Variants in NFIB observed in about 807,000 individuals in gnomAD.
The protein encoded by NFIB is nuclear factor I B.
Under a neutral mutation model 61.5 loss-of-function variants are expected in NFIB, and 11 were observed. The ratio of observed to expected loss-of-function variants is 0.18; its 90% confidence interval spans 0.11 to 0.30. The LOEUF (loss-of-function observed/expected upper bound fraction) is 0.30, where lower values mean the gene tolerates loss of function less well. Ranked by LOEUF, NFIB falls within the 10% of genes least tolerant of loss-of-function variation. The probability of loss-of-function intolerance (pLI) is 1.00; values close to 1 mark genes in which losing one functional copy is unlikely to be tolerated. For synonymous variants in NFIB, 260 were observed against 216.5 expected (o/e 1.20, Z -1.76); for missense variants, 471 against 608.9 (o/e 0.77, Z 2.38).
intron 10 of NFIB, among the ~76,000 whole-genome samples, chr9:14,103,225 T>C (rs1197596918): frequency 1.3e-5 from 2 of 152,108 alleles, no homozygotes; most frequent in East Asian, 1.9e-4. Flanking sequence ...CCTTCAGAGA[T>C]TGTTCGAGTA....
At position 14,120,651 on chromosome 9, in the gene NFIB, G is replaced by C; in HGVS notation, c.1061-27C>G. 1 of 1,566,532 alleles carries C rather than the reference G, an allele frequency of 6.4e-7. No individual in the cohort carries two copies. The highest frequency in any genetic ancestry group is 8.6e-7 in the Non-Finnish European group (1 of 1,158,560). The stretch of plus-strand genomic sequence containing the variant: ...TGCAGAAGACAGAAAAGGAAAGATT[G>C]ACTCATCAGCTGGTTACCTTATTGC... On this transcript the variant is annotated intron_variant, in intron 7 of 10. Transcript: ENST00000380953. This position sits in a 1 kb window ranked among gnomAD's most constrained non-coding sequence, Gnocchi z 4.4.
At chr9:14,334,232 A>AACTTATAAC (rs2060857290) in intron 1 of NFIB, among the ~76,000 whole-genome samples, 1 of 152,214 alleles carries the variant, frequency 6.6e-6, no homozygotes, top group African/African-American at 2.4e-5. Flanking sequence ...GTATAAGCCT[A>AACTTATAAC]TGAGTAGAAT....
intron 2 of NFIB, among the ~76,000 whole-genome samples, chr9:14,266,292 T>C (rs2057194892): frequency 6.6e-6 from 1 of 152,208 alleles, no homozygotes. Context: ...CTATGGCTTA[T>C]TTAAAATCCA....
At chr9:14,387,643 G>C (rs987056962) in intron 1 of NFIB, among the ~76,000 whole-genome samples, 1 of 152,154 alleles carries the variant, frequency 6.6e-6, no homozygotes, top group Admixed American at 6.5e-5. Flanking sequence ...TGCAAATTAA[G>C]ACAAGATATC....
chr9:14,275,276 G>A (rs925745067), intron 2 of NFIB, among the ~76,000 whole-genome samples: 1 of 152,126 alleles, frequency 6.6e-6, no homozygotes, highest in Admixed American at 6.6e-5. Flanking sequence ...GTAACTTAGA[G>A]TTCAATATCT....
At chr9:14,504,043 C>T in the NFIB span, among the ~76,000 whole-genome samples, 1 of 152,086 alleles carries the variant, frequency 6.6e-6, no homozygotes, top group Non-Finnish European at 1.5e-5. Context: ...TGTGGTTTGC[C>T]AATTATCCCA....
At chr9:14,286,027 C>T (rs1305865479) in intron 2 of NFIB, among the ~76,000 whole-genome samples, 2 of 152,154 alleles carry the variant, frequency 1.3e-5, no homozygotes, top group Non-Finnish European at 2.9e-5. Flanking sequence ...TAGCAAGTTC[C>T]AACGCCATGC....
chr9:14,166,515 G>A (rs1283277331), intron 3 of NFIB, among the ~76,000 whole-genome samples: 4 of 152,072 alleles, frequency 2.6e-5, no homozygotes, highest in Admixed American at 1.3e-4. Flanking sequence ...CTTCATCCAC[G>A]AAATGTAAAA....
At chr9:14,270,604 A>T (rs2057526980) in intron 2 of NFIB, among the ~76,000 whole-genome samples, 1 of 145,418 alleles carries the variant, frequency 6.9e-6, no homozygotes, top group Non-Finnish European at 1.5e-5. Context: ...AAAAAAAAAA[A>T]AAAGGCAGAG....
At chr9:14,464,417 C>G in the NFIB span, among the ~76,000 whole-genome samples, 3 of 152,152 alleles carry the variant, frequency 2.0e-5, no homozygotes, top group South Asian at 6.2e-4. Flanking sequence ...TTCATCCAAA[C>G]CTAGACGGTG....
At chr9:14,102,291 AAAG>A (rs1350956285) in intron 10 of NFIB, 7 of 711,272 alleles carry the variant, frequency 9.8e-6, no homozygotes, top group Admixed American at 2.7e-5. Flanking sequence ...GAGGACAGGG[AAAG>A]AAGAATGGCA....
chr9:14,263,746 C>G (rs1467289248), intron 2 of NFIB, among the ~76,000 whole-genome samples: 1 of 152,144 alleles, frequency 6.6e-6, no homozygotes, highest in African/African-American at 2.4e-5. Context: ...TTAGGGATAG[C>G]AAAACGAAAA....
chr9:14,188,346 G>A (rs1161047589), intron 2 of NFIB, among the ~76,000 whole-genome samples: 2 of 152,000 alleles, frequency 1.3e-5, no homozygotes, highest in African/African-American at 4.8e-5. Flanking sequence ...AAAGCAATCT[G>A]GCATACTTAA....
At chr9:14,239,078 G>A (rs1279468959) in intron 2 of NFIB, among the ~76,000 whole-genome samples, 3 of 152,096 alleles carry the variant, frequency 2.0e-5, no homozygotes, top group Non-Finnish European at 4.4e-5. Context: ...AAGAGCAGTC[G>A]GTAATATGCC....
rs753139070 is a variant in NFIB, at chr9:14,082,258, G to A, written c.*6051C>T. 5 of 204,726 alleles carry A rather than the reference G, an allele frequency of 2.4e-5. No individual in the cohort carries two copies. The highest frequency in any genetic ancestry group is 5.0e-5 in the Non-Finnish European group (5 of 99,662). 12.7% of individuals were successfully genotyped at this position (204,726 alleles called of 1,614,324 possible). A position where few individuals can be genotyped will look rare whatever the true frequency, so the allele number is the denominator to read the frequency against. ...ACAAGGTTCTGTATTTATGGCCCAT[G>A]AGGACAAAATGCCAAAAGTTTTAAA... On this transcript the variant is annotated 3_prime_UTR_variant, in exon 11 of 11. Coordinates refer to ENST00000380953, the MANE Select transcript of NFIB (RefSeq NM_001190737.2).
chr9:14,185,955 T>C (rs927689465), intron 2 of NFIB, among the ~76,000 whole-genome samples: 1 of 152,234 alleles, frequency 6.6e-6, no homozygotes, highest in South Asian at 2.1e-4. Flanking sequence ...ATGTCCCTAC[T>C]TTGCAAGCAC....
chr9:14,321,896 C>T, intron 1 of NFIB: 1 of 1,231,492 alleles, frequency 8.1e-7, no homozygotes, highest in Non-Finnish European at 1.0e-6. Flanking sequence ...GTGCAAAGAA[C>T]GAATAAAAGA....
At chr9:14,277,344 GACACACACACACACACAC>G (rs33999296) in intron 2 of NFIB, among the ~76,000 whole-genome samples, 1 of 149,266 alleles carries the variant, frequency 6.7e-6, no homozygotes, top group African/African-American at 2.5e-5. Context: ...CGCACACACA[GACACACACACACACACAC>G]ACACACATTT....
intron 8 of NFIB, among the ~76,000 whole-genome samples, chr9:14,117,222 A>G (rs580501): frequency 0.52 from 78,676 of 151,980 alleles, 23,401 homozygotes; most frequent in African/African-American, 0.8. Context: ...GACATTTGTG[A>G]GAATTAACTG....
Sources: gnomAD v4.1 joint callset for allele counts (sites outside exome capture counted in the v4.1 genomes callset) on GRCh38, gnomAD v4.1.1 for gene constraint, Gnocchi (gnomAD v3.1) non-coding constraint, MANE v1.5 for transcripts, NCBI Gene and HGNC (gene_info 2026-07-23, HGNC 2026-07-21) for gene names.